The following ATE1 variants were observed in gnomAD, a reference collection of about 807,000 sequenced individuals.
ATE1 encodes arginyltransferase 1, also known as arginyl-tRNA--protein transferase 1.
ATE1 carries 36 observed loss-of-function variants against 70.5 expected under a neutral mutation model. The ratio of observed to expected loss-of-function variants is 0.51; its 90% CI spans 0.39 to 0.67. The LOEUF is 0.67. Among genes scored for constraint, ATE1 ranks in the 30% least tolerant of loss-of-function variants. The pLI, the probability that ATE1 is intolerant of heterozygous loss-of-function variation, is 0.00. For missense variants in ATE1, 593 were observed against 629.5 expected, an observed-to-expected ratio of 0.94 and a Z score of 0.62; for synonymous variants, 232 against 219.3, an observed-to-expected ratio of 1.06 and a Z score of -0.51.
chr10:121,828,217 C>T (rs4752606), intron 10 of ATE1, among the ~76,000 whole-genome samples: 136,988 of 152,250 alleles, frequency 0.9, 61,800 homozygotes, highest in Middle Eastern at 0.96. Context: ...CTCAAATCCA[C>T]TCAGTTCAAT....
chr10:121,910,530 T>A (rs187509592), intron 5 of ATE1, among the ~76,000 whole-genome samples: 1 of 152,326 alleles, frequency 6.6e-6, no homozygotes, highest in Admixed American at 6.5e-5. Context: ...TTTTATAATG[T>A]CTGTATTTTG....
At chr10:121,875,036 G>A (rs1440358042) in intron 7 of ATE1, among the ~76,000 whole-genome samples, 1 of 128,696 alleles carries the variant, frequency 7.8e-6, no homozygotes, top group East Asian at 2.4e-4. Flanking sequence ...CTACTCAGGA[G>A]GCTGAGGCAG....
intron 6 of ATE1, among the ~76,000 whole-genome samples, chr10:121,900,703 T>C (rs1170688770): frequency 1.3e-5 from 2 of 152,216 alleles, no homozygotes; most frequent in Non-Finnish European, 2.9e-5. Context: ...ACTGGACATG[T>C]GTGCCGTGAG....
intron 8 of ATE1, among the ~76,000 whole-genome samples, chr10:121,852,450 A>G (rs558064755): frequency 1.3e-5 from 2 of 152,152 alleles, no homozygotes; most frequent in South Asian, 4.1e-4. Flanking sequence ...GAAGTTTGAA[A>G]AATAGAAACA....
chr10:121,769,828 T>C (rs989523837), intron 11 of ATE1, among the ~76,000 whole-genome samples: 1 of 152,202 alleles, frequency 6.6e-6, no homozygotes, highest in South Asian at 2.1e-4. Flanking sequence ...CTATATACAT[T>C]AGAACAGCTA....
chr10:121,864,681 C>A (rs1336621047), intron 8 of ATE1, among the ~76,000 whole-genome samples: 2 of 152,124 alleles, frequency 1.3e-5, no homozygotes, highest in Non-Finnish European at 2.9e-5. Flanking sequence ...CACTTTTTCT[C>A]GTCTTTTGTT....
rs1944130667 is a variant in ATE1, at chr10:121,740,984, T to C, written c.*2696A>G. The C allele has an allele frequency of 6.6e-6, 1 of 152,144 alleles. No individual in the cohort carries two copies. The highest frequency in any genetic ancestry group is 2.4e-5 in the African/African-American group (1 of 41,446). The allele number at this position is 152,144 out of a possible 1,614,324, so 9.4% of individuals were successfully genotyped here. ...ATGGAAATAATTTAAATAAGGACGGTAGCAAGGGGAATTGAAATTACATCT... is the reference window on the plus strand; with the variant it reads ...ATGGAAATAATTTAAATAAGGACGGCAGCAAGGGGAATTGAAATTACATCT... On this transcript the variant is annotated 3_prime_UTR_variant, in exon 12 of 12. Transcript: ENST00000224652.
intron 11 of ATE1, among the ~76,000 whole-genome samples, chr10:121,781,598 A>G (rs1172161355): frequency 6.6e-6 from 1 of 152,126 alleles, no homozygotes; most frequent in Non-Finnish European, 1.5e-5. Context: ...TCCTGTTCCA[A>G]GGGACCATTT....
At chr10:121,777,039 T>C (rs1222334316) in intron 11 of ATE1, among the ~76,000 whole-genome samples, 1 of 152,238 alleles carries the variant, frequency 6.6e-6, no homozygotes, top group Non-Finnish European at 1.5e-5. Context: ...GTAGTTTGAT[T>C]CTCACAAAGG....
At chr10:121,854,294 A>G (rs1056079633) in intron 8 of ATE1, among the ~76,000 whole-genome samples, 3 of 152,178 alleles carry the variant, frequency 2.0e-5, no homozygotes, top group Non-Finnish European at 2.9e-5. Context: ...ATATCTGCAC[A>G]TATTCTTAAA....
At chr10:121,895,100 G>A (rs1189370691) in intron 7 of ATE1, among the ~76,000 whole-genome samples, 1 of 151,890 alleles carries the variant, frequency 6.6e-6, no homozygotes, top group East Asian at 1.9e-4. Flanking sequence ...AGCACATGGA[G>A]GGAGAAAGCA....
chr10:121,903,788 G>T (rs900485503), intron 5 of ATE1, among the ~76,000 whole-genome samples: 9 of 151,956 alleles, frequency 5.9e-5, no homozygotes, highest in Non-Finnish European at 1.3e-4. Flanking sequence ...GTTAATCAGA[G>T]TTTTGTTCTA....
At chr10:121,888,206 A>C (rs568140009) in intron 7 of ATE1, among the ~76,000 whole-genome samples, 2 of 152,160 alleles carry the variant, frequency 1.3e-5, no homozygotes, top group Non-Finnish European at 2.9e-5. Flanking sequence ...CATCCTGGCT[A>C]ACACAGTGAA....
chr10:121,892,813 C>A (rs574034287), intron 7 of ATE1, among the ~76,000 whole-genome samples: 3 of 152,260 alleles, frequency 2.0e-5, no homozygotes, highest in Admixed American at 6.5e-5. Flanking sequence ...TGGCGCCCAG[C>A]CTCAGTGGTA....
intron 11 of ATE1, among the ~76,000 whole-genome samples, chr10:121,779,836 C>A (rs559241504): frequency 2.6e-5 from 4 of 152,172 alleles, no homozygotes; most frequent in Non-Finnish European, 5.9e-5. Flanking sequence ...AAGGTCTTCA[C>A]CAAGATTGTT....
rs1454975199 is a variant in ATE1, at chr10:121,924,679, G to A, written c.107-350C>T. On this transcript the variant is annotated intron_variant, in intron 1 of 11. Coordinates refer to ENST00000224652, the MANE Select transcript of ATE1 (RefSeq NM_001001976.3). Reference sequence around the variant, plus strand: ...CACGCCACTGCACTCCAGCCCTGGCGACAGAGTGAGACTCCATCTCAAAAA... The same window carrying A: ...CACGCCACTGCACTCCAGCCCTGGCAACAGAGTGAGACTCCATCTCAAAAA... Among the ~76,000 whole-genome samples the A allele has an allele frequency of 5.6e-5, 8 of 143,618 alleles. No homozygotes were observed. The South Asian group carries it at 1.8e-3, about 32-fold the overall frequency. The allele number at this position is 143,618 out of a possible 152,430, so 94.2% of individuals were successfully genotyped here. A position where few individuals can be genotyped will look rare whatever the true frequency, so the allele number is the denominator to read the frequency against.
chr10:121,918,388 A>C (rs779894010), intron 3 of ATE1, among the ~76,000 whole-genome samples: 63 of 152,204 alleles, frequency 4.1e-4, no homozygotes, highest in Admixed American at 3.4e-3. Context: ...CAATTCAGGA[A>C]ACATTTGATG....
chr10:121,755,751 T>C (rs954075137), intron 11 of ATE1, among the ~76,000 whole-genome samples: 2 of 152,096 alleles, frequency 1.3e-5, no homozygotes, highest in East Asian at 1.9e-4. Flanking sequence ...ATGAGACCCA[T>C]TCACTATCAT....
At chr10:121,918,632 G>A (rs1422543152) in intron 3 of ATE1, among the ~76,000 whole-genome samples, 1 of 152,080 alleles carries the variant, frequency 6.6e-6, no homozygotes, top group African/African-American at 2.4e-5. Context: ...GCTAATTGAA[G>A]ACAAATGACT....
Sources: allele counts gnomAD v4.1 joint callset (sites outside exome capture counted in the v4.1 genomes callset), GRCh38; gene constraint gnomAD v4.1.1; transcripts MANE v1.5; gene names NCBI Gene and HGNC (gene_info 2026-07-23, HGNC 2026-07-21).